GXYLT2: variants seen among roughly 807,000 people sequenced by gnomAD.
The protein encoded by GXYLT2 is glycosyltransferase 8 domain containing 4.
GXYLT2 carries 53 observed loss-of-function variants against 45.8 expected under a neutral mutation model. The ratio of observed to expected loss-of-function variants is 1.16; its 90% CI spans 0.93 to 1.46. The LOEUF (loss-of-function observed/expected upper bound fraction) is 1.46, where lower values mean the gene tolerates loss of function less well. GXYLT2 is among the 40% of genes most tolerant of loss of function. The pLI is 0.00. For synonymous variants in GXYLT2, 219 were observed against 214.2 expected (o/e 1.02, Z -0.19); for missense variants, 551 against 544.4 (o/e 1.01, Z -0.12).
At position 72,908,523 on chromosome 3, in the gene GXYLT2, C is replaced by G; in HGVS notation, c.432C>G (p.Phe144Leu). The change falls in exon 2 of 7, where the codon TTC (phenylalanine) becomes TTG (leucine). Residue 144 changes from phenylalanine to leucine, a missense_variant. Transcript: ENST00000389617. ...FSHRKIQFHI[F>L]TEDSLKPEFD... ...ACAGGAAGATCCAATTCCACATCTT[C>G]ACTGAAGACTCTCTGAAGCCCGAGT... 6.2e-7 allele frequency: 1 copy of G among 1,613,126 alleles called. No homozygotes were observed. Among genetic ancestry groups the G allele is most frequent in the African/African-American group, 1.3e-5 (1 of 74,976 alleles).
At chr3:72,942,695 A>G (rs963335076) in intron 3 of GXYLT2, among the ~76,000 whole-genome samples, 2 of 151,966 alleles carry the variant, frequency 1.3e-5, no homozygotes, top group African/African-American at 4.8e-5. Context: ...CAGACACCCA[A>G]ATTGAGGGAC....
intron 4 of GXYLT2, 146 bp downstream of exon 4, chr3:72,955,495 A>T (rs1710623200): frequency 5.9e-6 from 4 of 680,704 alleles, no homozygotes; most frequent in Non-Finnish European, 9.7e-6. Flanking sequence ...GTATTTAGAA[A>T]ATTATAGAAT....
intron 2 of GXYLT2, among the ~76,000 whole-genome samples, chr3:72,918,123 G>A (rs555863705): frequency 6.6e-6 from 1 of 152,224 alleles, no homozygotes; most frequent in Admixed American, 6.5e-5. Context: ...TAAACAAATG[G>A]GTGTGGCTGT....
In GXYLT2 at chr3:72,975,760, G is replaced by C. The variant is rs1292640898; in HGVS notation, c.*601G>C. ...TCTAAAACAGGTAATCTCAGTAAAAGCTGGCCTTTTTGCTGAGATTTTTAT... is the reference window on the plus strand; with the variant it reads ...TCTAAAACAGGTAATCTCAGTAAAACCTGGCCTTTTTGCTGAGATTTTTAT... On this transcript the variant is annotated 3_prime_UTR_variant, in exon 7 of 7. Coordinates refer to ENST00000389617, the MANE Select transcript of GXYLT2 (RefSeq NM_001080393.2). 6.6e-6 allele frequency: 1 copy of C among 152,020 alleles called. No individual in the cohort carries two copies. Among genetic ancestry groups the C allele is most frequent in the East Asian group, 1.9e-4 (1 of 5,198 alleles). The allele number at this position is 152,020 out of a possible 1,614,324, so 9.4% of individuals were successfully genotyped here. A position where few individuals can be genotyped will look rare whatever the true frequency, so the allele number is the denominator to read the frequency against.
intron 5 of GXYLT2, among the ~76,000 whole-genome samples, chr3:72,961,674 A>AAAAG (rs1278781750): frequency 2.7e-4 from 32 of 118,970 alleles, no homozygotes; most frequent in African/African-American, 7.0e-4. Context: ...AAAAAAAAAA[A>AAAAG]AGAGAGAGAG....
chr3:72,923,624 T>C (rs1409585142), intron 3 of GXYLT2, among the ~76,000 whole-genome samples: 1 of 152,164 alleles, frequency 6.6e-6, no homozygotes, highest in African/African-American at 2.4e-5. Context: ...TCAGTGATGA[T>C]GACATGGTAA....
chr3:72,970,206 C>T (rs760296085), intron 6 of GXYLT2, among the ~76,000 whole-genome samples: 12 of 150,670 alleles, frequency 8.0e-5, no homozygotes, highest in Non-Finnish European at 1.6e-4. Flanking sequence ...CAAAAATTAG[C>T]CGGGTATGGT....
chr3:72,907,562 G>GAA (rs1709536328), intron 1 of GXYLT2, among the ~76,000 whole-genome samples: 10 of 152,084 alleles, frequency 6.6e-5, no homozygotes, highest in Non-Finnish European at 1.2e-4. Flanking sequence ...GCATCCCTTC[G>GAA]TCTGGAACAA....
intron 2 of GXYLT2, among the ~76,000 whole-genome samples, chr3:72,916,130 A>G (rs930899182): frequency 6.6e-6 from 1 of 150,410 alleles, no homozygotes; most frequent in Non-Finnish European, 1.5e-5. Flanking sequence ...TTAACATGAA[A>G]TATGTCACTT....
chr3:72,928,668 AC>A lies in GXYLT2; in HGVS notation c.600+6334del, dbSNP rs541294734. The stretch of plus-strand genomic sequence containing the variant: ...AGAGCCAGAGGACAATGCAGGTAAA[AC>A]GTGCCCTCCTGGAGTCATAACAGAT... On this transcript the variant is annotated intron_variant, in intron 3 of 6. Transcript: ENST00000389617. Among the ~76,000 whole-genome samples the A allele has an allele frequency of 2.6e-3, 390 of 152,198 alleles. 2 individuals carry two copies. Among genetic ancestry groups the A allele is most frequent in the African/African-American group, 8.7e-3 (360 of 41,522 alleles).
At chr3:72,912,111 A>T (rs985687478) in intron 2 of GXYLT2, among the ~76,000 whole-genome samples, 3 of 150,792 alleles carry the variant, frequency 2.0e-5, no homozygotes, top group African/African-American at 7.3e-5. Context: ...CCTGGATTCA[A>T]GAAGTTCTCA....
intron 3 of GXYLT2, among the ~76,000 whole-genome samples, chr3:72,925,563 T>C (rs1449561006): frequency 6.6e-6 from 1 of 152,166 alleles, no homozygotes; most frequent in African/African-American, 2.4e-5. Context: ...GTTGGTGATA[T>C]AAAAACTGAT....
Position 72,888,298 on chromosome 3 carries a change from T to C in GXYLT2, c.65T>C (p.Leu22Pro), listed in dbSNP as rs1160218606. The C allele has an allele frequency of 8.1e-6, 8 of 992,610 alleles. No homozygotes were observed. Among genetic ancestry groups the C allele is most frequent in the African/African-American group, 1.8e-5 (1 of 56,702 alleles). 61.5% of individuals were successfully genotyped at this position (992,610 alleles called of 1,614,324 possible). Residue 22 changes from leucine to proline, a missense_variant, in exon 1 of 7, where the codon CTG (leucine) becomes CCG (proline). Transcript: ENST00000389617. ...LLALAALLLA[L>P]LSLRAGRAEP... ...GCGCTGGCCGCGCTGCTGCTGGCGCTGCTGTCCCTGCGCGCTGGCCGCGCT... is the reference window on the plus strand; with the variant it reads ...GCGCTGGCCGCGCTGCTGCTGGCGCCGCTGTCCCTGCGCGCTGGCCGCGCT...
intron 3 of GXYLT2, among the ~76,000 whole-genome samples, chr3:72,926,705 A>C (rs1214357841): frequency 6.6e-6 from 1 of 152,172 alleles, no homozygotes; most frequent in Non-Finnish European, 1.5e-5. Context: ...TCTCCTCAAT[A>C]ACTGTGGTCT....
At chr3:72,891,294 C>T (rs1185851231) in intron 1 of GXYLT2, among the ~76,000 whole-genome samples, 2 of 152,144 alleles carry the variant, frequency 1.3e-5, no homozygotes, top group African/African-American at 2.4e-5. Flanking sequence ...CCACCACCTG[C>T]TTACCATCCA....
intron 3 of GXYLT2, among the ~76,000 whole-genome samples, chr3:72,954,250 G>A (rs1286916387): frequency 1.3e-5 from 2 of 151,950 alleles, no homozygotes; most frequent in Non-Finnish European, 2.9e-5. Flanking sequence ...TGGGACTACA[G>A]GCGCACACCA....
At chr3:72,930,036 T>G (rs575632102) in intron 3 of GXYLT2, among the ~76,000 whole-genome samples, 12 of 151,420 alleles carry the variant, frequency 7.9e-5, no homozygotes, top group African/African-American at 2.4e-4. Context: ...CGTGGTGGCG[T>G]GCACCTGTAA....
chr3:72,920,384 C>T (rs1709810246), intron 2 of GXYLT2, among the ~76,000 whole-genome samples: 4 of 152,292 alleles, frequency 2.6e-5, no homozygotes, highest in Admixed American at 2.6e-4. Flanking sequence ...ATCCACCCGC[C>T]TTGGCCTCCC....
At position 72,967,703 on chromosome 3, in the gene GXYLT2, A is replaced by G. The variant is rs775320177; in HGVS notation, c.1133A>G (p.Tyr378Cys). The G allele has an allele frequency of 9.3e-6, 15 of 1,613,810 alleles. No homozygotes were observed. Among genetic ancestry groups the G allele is most frequent in the East Asian group, 2.2e-5 (1 of 44,874 alleles). ...DDKQPTFRAL[Y>C]EAIRDFPFQD... ...AAGCAACCAACGTTCAGAGCACTCT[A>G]TGAAGCAATACGGGATGTAAGTGTG... The change falls in exon 6 of 7, where the codon TAT (tyrosine) becomes TGT (cysteine). Residue 378 changes from tyrosine (Y) to cysteine (C), a missense_variant. Transcript: ENST00000389617.
Sources: gnomAD v4.1 joint callset for allele counts (sites outside exome capture counted in the v4.1 genomes callset) on GRCh38, gnomAD v4.1.1 for gene constraint, MANE v1.5 for transcripts, NCBI Gene and HGNC (gene_info 2026-07-23, HGNC 2026-07-21) for gene names.